TUSC3: variants seen among roughly 807,000 people sequenced by gnomAD.
TUSC3 encodes tumor suppressor candidate 3, also known as dolichyl-diphosphooligosaccharide--protein glycosyltransferase subunit TUSC3.
Under a neutral mutation model 44.8 loss-of-function variants are expected in TUSC3, and 45 were observed. That is an observed-to-expected ratio of 1.00 (90% CI 0.79 to 1.29). The LOEUF (loss-of-function observed/expected upper bound fraction) is 1.29. Among genes scored for constraint, TUSC3 ranks in the 50% most tolerant of loss-of-function variants. The pLI, the probability that TUSC3 is intolerant of heterozygous loss-of-function variation, is 0.00. For missense variants in TUSC3, 519 were observed against 437.9 expected (o/e 1.19, Z -1.65); for synonymous variants, 212 against 152.9 (o/e 1.39, Z -2.85).
At chr8:15,835,362 A>G in the TUSC3 span, among the ~76,000 whole-genome samples, 12 of 147,710 alleles carry the variant, frequency 8.1e-5, no homozygotes, top group Non-Finnish European at 1.8e-4. Flanking sequence ...TGAGGATTCA[A>G]CTGTTTTGCT....
intron 1 of TUSC3, among the ~76,000 whole-genome samples, chr8:15,443,481 G>A (rs1121709): frequency 0.93 from 141,740 of 151,942 alleles, 66,776 homozygotes; most frequent in Non-Finnish European, 1. Context: ...TTACAAGAGT[G>A]GTGAAACCAC....
At chr8:15,502,590 A>G (rs1800982578) in intron 2 of TUSC3, among the ~76,000 whole-genome samples, 1 of 152,172 alleles carries the variant, frequency 6.6e-6, no homozygotes, top group Non-Finnish European at 1.5e-5. Flanking sequence ...TCCTGGGTTC[A>G]CACCATTGTC....
chr8:15,761,347 C>T (rs1018414702), intron 10 of TUSC3, among the ~76,000 whole-genome samples: 1 of 152,086 alleles, frequency 6.6e-6, no homozygotes, highest in Non-Finnish European at 1.5e-5. Context: ...TCTCTGCATC[C>T]CTGATGGACT....
chr8:15,559,442 A>G, intron 1 of TUSC3, among the ~76,000 whole-genome samples: 1 of 147,644 alleles, frequency 6.8e-6, no homozygotes, highest in African/African-American at 2.5e-5. Flanking sequence ...CAATTTTGGA[A>G]TAGGTGTGGT....
chr8:15,646,265 C>A (rs148998534), intron 2 of TUSC3, among the ~76,000 whole-genome samples: 1 of 152,034 alleles, frequency 6.6e-6, no homozygotes, highest in African/African-American at 2.4e-5. Flanking sequence ...ATAGTATGTT[C>A]GTGAAACACA....
At chr8:15,466,313 C>G (rs532238316) in intron 1 of TUSC3, among the ~76,000 whole-genome samples, 1 of 152,250 alleles carries the variant, frequency 6.6e-6, no homozygotes, top group African/African-American at 2.4e-5. Context: ...TTCTTTGGCA[C>G]TGAAGCAGTT....
chr8:15,459,607 T>G (rs1327674705), intron 1 of TUSC3, among the ~76,000 whole-genome samples: 1 of 152,082 alleles, frequency 6.6e-6, no homozygotes. Flanking sequence ...TAGTCTTTTT[T>G]TCCTCGCCAC....
rs1812305383 is a variant in TUSC3 at position 15,765,600 on chromosome 8, T to A, written c.*1444T>A. On this transcript the variant is annotated 3_prime_UTR_variant, in exon 11 of 11. Coordinates refer to ENST00000503731, the MANE Select transcript of TUSC3 (RefSeq NM_006765.4). ...GTGTATGCTAGCAGGATGAATGCTA[T>A]CTTTTCAAAACATAATATTCAGTGA... The A allele has an allele frequency of 2.0e-5, 3 of 152,076 alleles. No homozygotes were observed. Among genetic ancestry groups the A allele is most frequent in the Admixed American group, 2.0e-4 (3 of 15,228 alleles). 9.4% of individuals were successfully genotyped at this position (152,076 alleles called of 1,614,324 possible).
intron 2 of TUSC3, among the ~76,000 whole-genome samples, chr8:15,493,447 T>G (rs545254181): frequency 2.0e-5 from 3 of 152,134 alleles, no homozygotes; most frequent in Admixed American, 6.5e-5. Context: ...ATTTTTTGCA[T>G]AGACAAGATC....
chr8:15,813,028 A>G, the TUSC3 span, among the ~76,000 whole-genome samples: 2 of 152,140 alleles, frequency 1.3e-5, no homozygotes, highest in Non-Finnish European at 2.9e-5. Flanking sequence ...TGGGAAGCAG[A>G]GGATGCAGTG....
chr8:15,649,998 T>A (rs1363802820), intron 2 of TUSC3, among the ~76,000 whole-genome samples: 1 of 152,198 alleles, frequency 6.6e-6, no homozygotes, highest in African/African-American at 2.4e-5. Context: ...TTTTTCTGTT[T>A]CTTCTCTGTT....
At chr8:15,769,797 G>T (rs184692660), downstream of TUSC3, among the ~76,000 whole-genome samples, 18 of 152,134 alleles carry the variant, frequency 1.2e-4, no homozygotes, top group Non-Finnish European at 2.2e-4. Flanking sequence ...ACATTTATGT[G>T]GCCCACAAAC....
At chr8:15,463,730 C>G (rs1023188141) in intron 1 of TUSC3, among the ~76,000 whole-genome samples, 8 of 152,154 alleles carry the variant, frequency 5.3e-5, no homozygotes, top group African/African-American at 1.9e-4. Flanking sequence ...AAAGGGAAAA[C>G]TCATACAGCT....
chr8:15,453,551 C>A (rs546139346), intron 1 of TUSC3, among the ~76,000 whole-genome samples: 2 of 152,192 alleles, frequency 1.3e-5, no homozygotes, highest in Admixed American at 6.5e-5. Flanking sequence ...TTTCTTCTCC[C>A]ATCTAGCTGC....
At chr8:15,540,054 C>T (rs145542962), upstream of TUSC3, among the ~76,000 whole-genome samples, 234 of 152,326 alleles carry the variant, frequency 1.5e-3, 1 homozygote, top group Middle Eastern at 3.4e-3. Flanking sequence ...TGCTGGACTA[C>T]CCAGTAATTG....
intron 6 of TUSC3, among the ~76,000 whole-genome samples, chr8:15,691,550 C>G (rs1162691464): frequency 1.3e-5 from 2 of 152,054 alleles, no homozygotes; most frequent in African/African-American, 4.8e-5. Context: ...TACCATGTTG[C>G]ATTGGAGTGG....
At chr8:15,817,552 G>C in the TUSC3 span, among the ~76,000 whole-genome samples, 35 of 152,120 alleles carry the variant, frequency 2.3e-4, no homozygotes, top group Non-Finnish European at 4.7e-4. Flanking sequence ...TGCTGTTCCC[G>C]TGACAGTGAG....
chr8:15,610,389 A>G (rs1439486501), intron 1 of TUSC3, among the ~76,000 whole-genome samples: 1 of 152,170 alleles, frequency 6.6e-6, no homozygotes, highest in South Asian at 2.1e-4. Context: ...TCATGGAGAA[A>G]CATTTCTGGT....
At chr8:15,690,563 G>A (rs1262646839) in intron 6 of TUSC3, among the ~76,000 whole-genome samples, 1 of 152,046 alleles carries the variant, frequency 6.6e-6, no homozygotes, top group Non-Finnish European at 1.5e-5. Flanking sequence ...TCTTCATCAT[G>A]AAATCTTTGC....
Sources: gnomAD v4.1 joint callset for allele counts (sites outside exome capture counted in the v4.1 genomes callset) on GRCh38, gnomAD v4.1.1 for gene constraint, MANE v1.5 for transcripts, NCBI Gene and HGNC (gene_info 2026-07-23, HGNC 2026-07-21) for gene names.